NUP210L: variants seen among roughly 807,000 people sequenced by gnomAD.
NUP210L encodes nucleoporin 210 like.
Under a neutral mutation model 208.5 loss-of-function variants are expected in NUP210L, and 74 were observed. That is an observed-to-expected ratio of 0.35 (90% confidence interval 0.29 to 0.43). The LOEUF (loss-of-function observed/expected upper bound fraction) is 0.43, where lower values mean the gene tolerates loss of function less well. Ranked by LOEUF, NUP210L falls within the 20% of genes least tolerant of loss-of-function variation. The pLI is 1.00. For synonymous variants in NUP210L, 780 were observed against 816.9 expected, an observed-to-expected ratio of 0.95 and a Z score of 0.77; for missense variants, 1,843 against 2,289.4, an observed-to-expected ratio of 0.81 and a Z score of 3.98.
chr1:154,079,129 C>T (rs1655184883), intron 16 of NUP210L, among the ~76,000 whole-genome samples: 1 of 152,004 alleles, frequency 6.6e-6, no homozygotes, highest in African/African-American at 2.4e-5. Flanking sequence ...CATGGTGCCT[C>T]ATGCCTATAG....
intron 13 of NUP210L, among the ~76,000 whole-genome samples, chr1:154,103,078 C>CTAATAATAATAA (rs34666241): frequency 1.6e-4 from 24 of 149,364 alleles, no homozygotes; most frequent in African/African-American, 5.6e-4. Context: ...GACCCTGTCT[C>CTAATAATAATAA]TAATAATAAT....
At chr1:154,099,952 A>C (rs778339189) in intron 14 of NUP210L, 46 bp downstream of exon 14, 3 of 1,586,516 alleles carry the variant, frequency 1.9e-6, no homozygotes, top group Non-Finnish European at 2.6e-6. Flanking sequence ...AGACATAGTT[A>C]AGTCCATTAA....
chr1:153,997,209 C>T (rs1649939273), intron 37 of NUP210L, among the ~76,000 whole-genome samples: 1 of 151,898 alleles, frequency 6.6e-6, no homozygotes, highest in African/African-American at 2.4e-5. Flanking sequence ...GGTGATCCAA[C>T]CACTTCGGCC....
chr1:154,130,311 C>T (rs1276156512), intron 7 of NUP210L, among the ~76,000 whole-genome samples: 2 of 152,058 alleles, frequency 1.3e-5, no homozygotes, highest in Non-Finnish European at 2.9e-5. Flanking sequence ...TGCACTCTGT[C>T]ACCCAGGCTA....
chr1:153,993,854 C>T (rs1378023537), intron 38 of NUP210L, among the ~76,000 whole-genome samples: 1 of 152,138 alleles, frequency 6.6e-6, no homozygotes, highest in African/African-American at 2.4e-5. Flanking sequence ...GCCAAGATTG[C>T]ACCACTTCAC....
intron 23 of NUP210L, among the ~76,000 whole-genome samples, chr1:154,056,101 A>G (rs1221041116): frequency 1.3e-5 from 2 of 152,246 alleles, no homozygotes; most frequent in Non-Finnish European, 2.9e-5. Flanking sequence ...TAGTGAAATT[A>G]CAGGTGATTT....
At chr1:154,112,769 T>C (rs1400654135) in intron 12 of NUP210L, among the ~76,000 whole-genome samples, 2 of 151,546 alleles carry the variant, frequency 1.3e-5, no homozygotes, top group African/African-American at 4.9e-5. Flanking sequence ...GGTGGGAAGA[T>C]TGGATGAGAC....
intron 36 of NUP210L, among the ~76,000 whole-genome samples, chr1:154,001,290 C>T (rs1286762926): frequency 1.3e-5 from 2 of 152,046 alleles, no homozygotes; most frequent in Admixed American, 1.3e-4. Context: ...CTCTGCCTCC[C>T]GGGTTCAAGC....
chr1:154,030,559 A>G (rs574291516), intron 27 of NUP210L, among the ~76,000 whole-genome samples: 2 of 152,110 alleles, frequency 1.3e-5, no homozygotes, highest in East Asian at 3.9e-4. Flanking sequence ...CAGCCTCTCA[A>G]AGTGCTGGGA....
chr1:154,081,927 A>G (rs1655352604), intron 16 of NUP210L, among the ~76,000 whole-genome samples: 1 of 152,122 alleles, frequency 6.6e-6, no homozygotes, highest in African/African-American at 2.4e-5. Flanking sequence ...GGCTGCAGCA[A>G]GCCATAATCA....
intron 16 of NUP210L, among the ~76,000 whole-genome samples, chr1:154,083,411 C>T (rs1203332609): frequency 1.3e-5 from 2 of 152,184 alleles, no homozygotes; most frequent in Admixed American, 6.5e-5. Context: ...CTGGCTTCAC[C>T]TCTCAACTTC....
chr1:154,139,748 G>C lies in NUP210L; in HGVS notation c.717+54C>G, dbSNP rs149587439. On this transcript the variant is annotated intron_variant, in intron 5 of 39. Coordinates refer to ENST00000368559, the Ensembl canonical transcript of NUP210L. Reference sequence around the variant, plus strand: ...TTGTAGTACCTGGGCAACAGAGTTAGACCATATCTTGAAAAAACAAGTAAG... The same window carrying C: ...TTGTAGTACCTGGGCAACAGAGTTACACCATATCTTGAAAAAACAAGTAAG... 506 of 1,369,272 alleles carry C rather than the reference G, an allele frequency of 3.7e-4. 1 individual carries two copies. The African/African-American group carries it at 6.3e-3, about 17-fold the overall frequency. The allele number at this position is 1,369,272 out of a possible 1,614,324, so 84.8% of individuals were successfully genotyped here.
intron 10 of NUP210L, among the ~76,000 whole-genome samples, chr1:154,123,890 A>G (rs557469580): frequency 1.3e-4 from 20 of 150,566 alleles, no homozygotes; most frequent in South Asian, 4.2e-4. Flanking sequence ...AAAAAAAAAA[A>G]AGAGAGAGAG....
At chr1:154,135,706 C>A (rs1185731318) in intron 7 of NUP210L, 108 bp downstream of exon 7, 5 of 984,890 alleles carry the variant, frequency 5.1e-6, no homozygotes, top group Admixed American at 3.8e-5. Flanking sequence ...CAGGCGTGAG[C>A]CACCGCGCCC....
chr1:154,129,854 T>C (rs1167990348), intron 7 of NUP210L, among the ~76,000 whole-genome samples: 1 of 152,228 alleles, frequency 6.6e-6, no homozygotes, highest in Non-Finnish European at 1.5e-5. Context: ...AATACCAAAA[T>C]GTTCTCTGCA....
intron 24 of NUP210L, 132 bp downstream of exon 24, chr1:154,054,638 T>C: frequency 5.1e-6 from 4 of 780,350 alleles, no homozygotes; most frequent in Non-Finnish European, 8.5e-6. Flanking sequence ...ACTAATCTTG[T>C]TCTTTATCAG....
At chr1:154,150,303 G>A (rs940760464) in intron 2 of NUP210L, among the ~76,000 whole-genome samples, 4 of 152,170 alleles carry the variant, frequency 2.6e-5, no homozygotes, top group Non-Finnish European at 4.4e-5. Context: ...GAACCCGGGA[G>A]GCAGAGGTTG....
intron 37 of NUP210L, 88 bp downstream of exon 37, chr1:154,000,768 A>G: frequency 8.5e-7 from 1 of 1,172,246 alleles, no homozygotes. Flanking sequence ...GAAATGCGGA[A>G]AGCAAAACTG....
At chr1:154,053,769 G>A (rs1296592237) in intron 25 of NUP210L, among the ~76,000 whole-genome samples, 2 of 152,066 alleles carry the variant, frequency 1.3e-5, no homozygotes, top group African/African-American at 4.8e-5. Context: ...TAAATATGTG[G>A]GTTAATCTCT....
Sources: allele counts gnomAD v4.1 joint callset (sites outside exome capture counted in the v4.1 genomes callset), GRCh38; gene constraint gnomAD v4.1.1; transcripts MANE v1.5; gene names NCBI Gene and HGNC (gene_info 2026-07-23, HGNC 2026-07-21).